VAPB: variants seen among roughly 807,000 people sequenced by gnomAD.
VAPB encodes the protein vesicle-associated membrane protein-associated protein B/C.
A neutral mutation model predicts 25.6 loss-of-function variants in VAPB; 7 were observed. The ratio of observed to expected loss-of-function variants is 0.27; its 90% CI spans 0.16 to 0.51. The LOEUF (loss-of-function observed/expected upper bound fraction) is 0.51. Ranked by LOEUF, VAPB falls within the 20% of genes least tolerant of loss-of-function variation. The pLI, the probability that VAPB is intolerant of heterozygous loss-of-function variation, is 0.97. For missense variants in VAPB, 266 were observed against 301.3 expected (o/e 0.88, Z 0.87); for synonymous variants, 112 against 109.2 (o/e 1.03, Z -0.16).
intron 2 of VAPB, among the ~76,000 whole-genome samples, chr20:58,426,630 A>C (rs1355545805): frequency 6.6e-6 from 1 of 152,190 alleles, no homozygotes; most frequent in Admixed American, 6.5e-5. Flanking sequence ...TGAAAAGCTG[A>C]ACTGATTGCC....
rs1450311303 is a variant in VAPB at position 58,445,527 on chromosome 20, T to A, written c.*1292T>A. The A allele has an allele frequency of 4.4e-6, 2 of 454,318 alleles. No homozygotes were observed. Among genetic ancestry groups the A allele is most frequent in the Non-Finnish European group, 8.8e-6 (2 of 226,770 alleles). The allele number at this position is 454,318 out of a possible 1,614,324, so 28.1% of individuals were successfully genotyped here. A position where few individuals can be genotyped will look rare whatever the true frequency, so the allele number is the denominator to read the frequency against. ...CTATGTAGCATCTTGAAAAGAAAAA[T>A]TATAATAAAGCCCCAAAATTAAGAA... is the stretch of plus-strand genomic sequence containing the variant. On this transcript the variant is annotated 3_prime_UTR_variant, in exon 6 of 6. Coordinates refer to ENST00000475243, the MANE Select transcript of VAPB (RefSeq NM_004738.5).
chr20:58,449,141 G>C lies in VAPB; in HGVS notation c.*4906G>C, dbSNP rs1477441515. 10 of 453,950 alleles carry C rather than the reference G, an allele frequency of 2.2e-5. No homozygotes were observed. In the East Asian group the frequency reaches 5.6e-4, roughly 25 times the overall value. The allele number at this position is 453,950 out of a possible 1,614,324, so 28.1% of individuals were successfully genotyped here. On this transcript the variant is annotated 3_prime_UTR_variant, in exon 6 of 6. Coordinates refer to ENST00000475243, the MANE Select transcript of VAPB (RefSeq NM_004738.5). Reference sequence around the variant, plus strand: ...GCAAGCTTGGGAGGCTGTGGGAATGGGTCTGCCCCCAGCTTCACAGACCTC... The same window carrying C: ...GCAAGCTTGGGAGGCTGTGGGAATGCGTCTGCCCCCAGCTTCACAGACCTC...
At position 58,444,270 on chromosome 20, in the gene VAPB, G is replaced by A; in HGVS notation, c.*35G>A. On this transcript the variant is annotated 3_prime_UTR_variant, in exon 6 of 6. Coordinates refer to ENST00000475243, the MANE Select transcript of VAPB (RefSeq NM_004738.5). ...GCACAGGATGGTAAATTGGATTGGT[G>A]GATCCACCATATCATGGGATTTAAA... 1 of 1,613,410 alleles carries A rather than the reference G, an allele frequency of 6.2e-7. No individual in the cohort carries two copies. Among genetic ancestry groups the A allele is most frequent in the Non-Finnish European group, 8.5e-7 (1 of 1,179,400 alleles).
In VAPB at chr20:58,389,307, C is replaced by CA; in HGVS notation, c.-153_-152insA. On this transcript the variant is annotated 5_prime_UTR_variant, in exon 1 of 6. Transcript: ENST00000475243. ...CGCCTGCACCGCGTAGACCGACCCC[C>CA]CCCCAGCGCGCCCACCCGGTAGAGG... The CA allele has an allele frequency of 1.4e-6, 1 of 698,412 alleles. No homozygotes were observed. Among genetic ancestry groups the CA allele is most frequent in the Non-Finnish European group, 2.5e-6 (1 of 405,298 alleles). The allele number at this position is 698,412 out of a possible 1,614,324, so 43.3% of individuals were successfully genotyped here.
chr20:58,393,088 C>T (rs1175639080), intron 1 of VAPB, among the ~76,000 whole-genome samples: 1 of 152,142 alleles, frequency 6.6e-6, no homozygotes, highest in Non-Finnish European at 1.5e-5. Flanking sequence ...GGCTGGAGGG[C>T]AGTGGTGCCA....
At chr20:58,390,945 T>C (rs1987780846) in intron 1 of VAPB, among the ~76,000 whole-genome samples, 1 of 152,206 alleles carries the variant, frequency 6.6e-6, no homozygotes, top group African/African-American at 2.4e-5. Context: ...AACCAAAGGC[T>C]TTCCAATTAA....
chr20:58,447,227 T>C lies in VAPB; in HGVS notation c.*2992T>C, dbSNP rs1202189038. On this transcript the variant is annotated 3_prime_UTR_variant, in exon 6 of 6. Coordinates refer to ENST00000475243, the MANE Select transcript of VAPB (RefSeq NM_004738.5). ...AGTTTTTATTGATTGAAGTTTTAAA[T>C]TGGTAACTTAAGCTTCCTTGGCACG... The C allele has an allele frequency of 4.4e-6, 2 of 454,024 alleles. No homozygotes were observed. Among genetic ancestry groups the C allele is most frequent in the Non-Finnish European group, 8.8e-6 (2 of 226,792 alleles). 28.1% of individuals were successfully genotyped at this position (454,024 alleles called of 1,614,324 possible). A position where few individuals can be genotyped will look rare whatever the true frequency, so the allele number is the denominator to read the frequency against.
chr20:58,404,714 C>G (rs752218148), intron 1 of VAPB, among the ~76,000 whole-genome samples: 1 of 152,076 alleles, frequency 6.6e-6, no homozygotes, highest in Non-Finnish European at 1.5e-5. Context: ...TAAATATGAG[C>G]TAACGTCACA....
In VAPB at chr20:58,389,303, C is replaced by CG. The variant is rs1276898198; in HGVS notation, c.-157_-156insG. On this transcript the variant is annotated 5_prime_UTR_variant, in exon 1 of 6. Transcript: ENST00000475243. The stretch of plus-strand genomic sequence containing the variant: ...CCTGCGCCTGCACCGCGTAGACCGA[C>CG]CCCCCCCCAGCGCGCCCACCCGGTA... 2.2e-6 allele frequency: 1 copy of CG among 451,158 alleles called. No individual in the cohort carries two copies. Among genetic ancestry groups the CG allele is most frequent in the Non-Finnish European group, 3.9e-6 (1 of 255,562 alleles). 27.9% of individuals were successfully genotyped at this position (451,158 alleles called of 1,614,324 possible).
At chr20:58,425,119 A>G (rs1161109536) in intron 2 of VAPB, among the ~76,000 whole-genome samples, 1 of 152,210 alleles carries the variant, frequency 6.6e-6, no homozygotes, top group Non-Finnish European at 1.5e-5. Flanking sequence ...TCTGCTTGGC[A>G]TTTATGTATC....
chr20:58,436,260 A>AC (rs1322129056), intron 3 of VAPB, among the ~76,000 whole-genome samples: 2 of 151,610 alleles, frequency 1.3e-5, no homozygotes, highest in Admixed American at 1.3e-4. Flanking sequence ...ATTTAAAGTG[A>AC]CCCATAGTTC....
chr20:58,396,248 G>A (rs564262802), intron 1 of VAPB, among the ~76,000 whole-genome samples: 5 of 152,324 alleles, frequency 3.3e-5, no homozygotes, highest in African/African-American at 9.6e-5. Flanking sequence ...CCTGTGTCAA[G>A]TGATGTCTTC....
In VAPB at chr20:58,449,957, G is replaced by A; in HGVS notation, c.*5722G>A. 2.2e-6 allele frequency: 1 copy of A among 453,890 alleles called. No homozygotes were observed. The highest frequency in any genetic ancestry group is 4.4e-6 in the Non-Finnish European group (1 of 226,752). The allele number at this position is 453,890 out of a possible 1,614,324, so 28.1% of individuals were successfully genotyped here. A position where few individuals can be genotyped will look rare whatever the true frequency, so the allele number is the denominator to read the frequency against. ...CCCTTTTTTTTTCCCTTTGGAAAATGCCAACTAAGGGAGACTAATCAGATA... is the reference window on the plus strand; with the variant it reads ...CCCTTTTTTTTTCCCTTTGGAAAATACCAACTAAGGGAGACTAATCAGATA... On this transcript the variant is annotated 3_prime_UTR_variant, in exon 6 of 6. Transcript: ENST00000475243.
rs907310524 is a variant in VAPB, at chr20:58,449,085, G to A, written c.*4850G>A. ...ATATCAGCAAAGAGGGCAAGTAATA[G>A]AAGCCCCTGATAAGGAGCGTCAGCC... On this transcript the variant is annotated 3_prime_UTR_variant, in exon 6 of 6. Coordinates refer to ENST00000475243, the MANE Select transcript of VAPB (RefSeq NM_004738.5). 3 of 454,102 alleles carry A rather than the reference G, an allele frequency of 6.6e-6. No individual in the cohort carries two copies. Among genetic ancestry groups the A allele is most frequent in the Non-Finnish European group, 1.3e-5 (3 of 226,770 alleles). 28.1% of individuals were successfully genotyped at this position (454,102 alleles called of 1,614,324 possible). A position where few individuals can be genotyped will look rare whatever the true frequency, so the allele number is the denominator to read the frequency against.
At chr20:58,389,731 G>A (rs1266006073) in intron 1 of VAPB, among the ~76,000 whole-genome samples, 7 of 152,164 alleles carry the variant, frequency 4.6e-5, no homozygotes, top group Non-Finnish European at 1.5e-5. Context: ...GGGAGCCGGG[G>A]CCTGCGCCTC....
intron 1 of VAPB, among the ~76,000 whole-genome samples, chr20:58,403,571 C>T (rs897416064): frequency 1.3e-5 from 2 of 152,224 alleles, no homozygotes; most frequent in Non-Finnish European, 2.9e-5. Context: ...TTGTCTTTGA[C>T]TTTTCTGATG....
At chr20:58,412,960 C>T (rs1988417360) in intron 1 of VAPB, among the ~76,000 whole-genome samples, 1 of 152,126 alleles carries the variant, frequency 6.6e-6, no homozygotes, top group Non-Finnish European at 1.5e-5. Flanking sequence ...TTTTTTATGA[C>T]ATTTTCAACA....
intron 1 of VAPB, among the ~76,000 whole-genome samples, chr20:58,416,724 T>C (rs1329775757): frequency 6.6e-6 from 1 of 152,062 alleles, no homozygotes; most frequent in African/African-American, 2.4e-5. Flanking sequence ...CCATTTTGAT[T>C]TCTTAATTTG....
intron 3 of VAPB, among the ~76,000 whole-genome samples, chr20:58,436,327 C>CTTTTTTTTTTTT (rs57100987): frequency 1.7e-5 from 2 of 114,964 alleles, no homozygotes; most frequent in African/African-American, 6.6e-5. Context: ...GTTTTTCTTC[C>CTTTTTTTTTTTT]TTTTTTTTTT....
Sources: allele counts gnomAD v4.1 joint callset (sites outside exome capture counted in the v4.1 genomes callset), GRCh38; gene constraint gnomAD v4.1.1; transcripts MANE v1.5; gene names NCBI Gene and HGNC (gene_info 2026-07-23, HGNC 2026-07-21).